ITSN1: variants seen among roughly 807,000 people sequenced by gnomAD.
ITSN1 encodes intersectin-1.
A neutral mutation model predicts 239.8 loss-of-function variants in ITSN1; 58 were observed. That is an observed-to-expected ratio of 0.24 (90% confidence interval 0.20 to 0.30). The LOEUF (loss-of-function observed/expected upper bound fraction) is 0.30, where lower values mean the gene tolerates loss of function less well. ITSN1 is among the 10% of genes least tolerant of loss of function. The pLI is 1.00. For missense variants in ITSN1, 1,558 were observed against 2,103.3 expected, an observed-to-expected ratio of 0.74 and a Z score of 5.07; for synonymous variants, 780 against 770.8, an observed-to-expected ratio of 1.01 and a Z score of -0.20.
chr21:33,797,688 A>T lies in ITSN1; in HGVS notation c.2182+80A>T, dbSNP rs1363918167. On this transcript the variant is annotated intron_variant, in intron 18 of 39. Transcript: ENST00000381318. The surrounding 1 kb of genome is among the most constrained non-coding windows in gnomAD (Gnocchi z 4.9). ...TCCTGAAAAATGCCCCTATCTCATC[A>T]GTACCTGTCTTGGCTACATTAACAG... 3.0e-5 allele frequency: 32 copies of T among 1,075,950 alleles called. No individual in the cohort carries two copies. The highest frequency in any genetic ancestry group is 4.4e-5 in the Non-Finnish European group (32 of 723,910). 66.7% of individuals were successfully genotyped at this position (1,075,950 alleles called of 1,614,324 possible).
At chr21:33,652,015 C>T (rs947315864) in intron 1 of ITSN1, among the ~76,000 whole-genome samples, 1 of 152,108 alleles carries the variant, frequency 6.6e-6, no homozygotes, top group Admixed American at 6.5e-5. Flanking sequence ...TTGAAGAAAA[C>T]TTTTGGAAAC....
chr21:33,843,832 C>T (rs8129514), intron 29 of ITSN1, among the ~76,000 whole-genome samples: 5,124 of 152,254 alleles, frequency 0.034, 200 homozygotes, highest in African/African-American at 0.097. Context: ...CTTCAGTTTC[C>T]TCATTTACAT....
At chr21:33,701,432 A>G (rs2092005372) in intron 1 of ITSN1, among the ~76,000 whole-genome samples, 1 of 151,962 alleles carries the variant, frequency 6.6e-6, no homozygotes. Flanking sequence ...GCCTGTAAAT[A>G]TGTTTGAATT....
At chr21:33,693,330 T>C (rs2091635355) in intron 1 of ITSN1, among the ~76,000 whole-genome samples, 1 of 150,686 alleles carries the variant, frequency 6.6e-6, no homozygotes, top group South Asian at 2.1e-4. Context: ...TTGCTGTTTT[T>C]TGTTTTGTTT....
chr21:33,886,201 G>T (rs925088601), intron 38 of ITSN1, 86 bp from the exon 39 acceptor site: 42 of 1,160,592 alleles, frequency 3.6e-5, no homozygotes, highest in African/African-American at 5.1e-5. Context: ...GACAGAGCAA[G>T]AATCCATCTA....
intron 4 of ITSN1, among the ~76,000 whole-genome samples, chr21:33,727,317 A>C (rs2065886223): frequency 6.6e-6 from 1 of 152,106 alleles, no homozygotes; most frequent in South Asian, 2.1e-4. Context: ...ACAGGAAGGA[A>C]GAAGAGACGG....
chr21:33,793,802 A>G (rs2071330806), intron 16 of ITSN1, among the ~76,000 whole-genome samples: 1 of 152,172 alleles, frequency 6.6e-6, no homozygotes, highest in African/African-American at 2.4e-5. Flanking sequence ...AACTTGAAGA[A>G]AAATAGACCC....
intron 1 of ITSN1, among the ~76,000 whole-genome samples, chr21:33,671,465 T>C (rs2090273993): frequency 6.6e-6 from 1 of 152,058 alleles, no homozygotes; most frequent in South Asian, 2.1e-4. Flanking sequence ...TTTGTATTTT[T>C]AGTAGACACG....
intron 1 of ITSN1, among the ~76,000 whole-genome samples, chr21:33,662,360 C>G (rs1253107035): frequency 6.6e-6 from 1 of 152,154 alleles, no homozygotes; most frequent in Non-Finnish European, 1.5e-5. Flanking sequence ...ATTTACAAAT[C>G]CCATCATAAC....
chr21:33,681,569 CAG>C (rs918686753), intron 1 of ITSN1, among the ~76,000 whole-genome samples: 2 of 151,194 alleles, frequency 1.3e-5, no homozygotes, highest in Admixed American at 6.6e-5. Flanking sequence ...AGAAAGTAAA[CAG>C]ATTATTTTCA....
At chr21:33,660,897 T>A (rs1210103519) in intron 1 of ITSN1, among the ~76,000 whole-genome samples, 1 of 152,214 alleles carries the variant, frequency 6.6e-6, no homozygotes, top group Non-Finnish European at 1.5e-5. Flanking sequence ...CATCATGTAT[T>A]GGTCATTTGG....
intron 30 of ITSN1, 23 bp from the exon 31 acceptor site, chr21:33,858,663 T>G (rs1175961276): frequency 6.8e-7 from 1 of 1,474,920 alleles, no homozygotes; most frequent in African/African-American, 1.4e-5. Context: ...CTTTCTGAAC[T>G]GCTTCGTTTT....
In ITSN1 at chr21:33,899,402, T is replaced by G. The variant is rs562416615; in HGVS notation, c.*11102T>G. 6.6e-6 allele frequency: 1 copy of G among 152,332 alleles called. No individual in the cohort carries two copies. The highest frequency in any genetic ancestry group is 2.1e-4 in the South Asian group (1 of 4,826). 9.4% of individuals were successfully genotyped at this position (152,332 alleles called of 1,614,324 possible). On this transcript the variant is annotated 3_prime_UTR_variant, in exon 40 of 40. Transcript: ENST00000381318. Reference sequence around the variant, plus strand: ...CGCCCCTTGATGGATGTGCTGTTGATTGTAATATACTTCTGTTGCCAAATA... The same window carrying G: ...CGCCCCTTGATGGATGTGCTGTTGAGTGTAATATACTTCTGTTGCCAAATA...
intron 26 of ITSN1, chr21:33,829,129 T>G (rs2074144622): frequency 5.0e-6 from 2 of 398,060 alleles, no homozygotes; most frequent in African/African-American, 4.2e-5. Flanking sequence ...CCTGCCGGGC[T>G]CCCAGTGGTT....
chr21:33,750,549 T>A (rs1569094779), intron 6 of ITSN1, among the ~76,000 whole-genome samples: 1 of 152,238 alleles, frequency 6.6e-6, no homozygotes, highest in Non-Finnish European at 1.5e-5. Flanking sequence ...GGTACCACTG[T>A]GGACAAAGGT....
intron 4 of ITSN1, among the ~76,000 whole-genome samples, chr21:33,724,594 A>T (rs998077374): frequency 6.6e-6 from 1 of 152,238 alleles, no homozygotes; most frequent in African/African-American, 2.4e-5. Flanking sequence ...CCAATTTTTC[A>T]AAGTTCATTT....
Position 33,721,286 on chromosome 21 carries a change from A to T in ITSN1, c.121+16A>T, listed in dbSNP as rs370071797. Reference sequence around the variant, plus strand: ...TTCATTACTGGTAATCACAGTCAGCATTTTTTCATTTTTACTTATCAGTAG... The same window carrying T: ...TTCATTACTGGTAATCACAGTCAGCTTTTTTTCATTTTTACTTATCAGTAG... On this transcript the variant is annotated intron_variant, in intron 3 of 39. Transcript: ENST00000381318. 26 of 1,514,926 alleles carry T rather than the reference A, an allele frequency of 1.7e-5. No individual in the cohort carries two copies. In the African/African-American group the frequency reaches 2.7e-4, roughly 16 times the overall value. The allele number at this position is 1,514,926 out of a possible 1,614,324, so 93.8% of individuals were successfully genotyped here. A position where few individuals can be genotyped will look rare whatever the true frequency, so the allele number is the denominator to read the frequency against.
intron 24 of ITSN1, 58 bp downstream of exon 24, chr21:33,819,381 T>C (rs2073503664): frequency 2.4e-6 from 3 of 1,243,236 alleles, no homozygotes; most frequent in Non-Finnish European, 1.2e-6. Flanking sequence ...GTGTAAATGT[T>C]TGAAATGAGA....
chr21:33,861,939 C>A (rs141036475), intron 31 of ITSN1, among the ~76,000 whole-genome samples: 9,156 of 133,280 alleles, frequency 0.069, 375 homozygotes, highest in East Asian at 0.085. Flanking sequence ...GAGTGAGACT[C>A]CGTCTCAAAA....
Sources: allele counts gnomAD v4.1 joint callset (sites outside exome capture counted in the v4.1 genomes callset), GRCh38; gene constraint gnomAD v4.1.1; non-coding constraint Gnocchi (gnomAD v3.1); transcripts MANE v1.5; gene names NCBI Gene and HGNC (gene_info 2026-07-23, HGNC 2026-07-21).